Variants in METTL15 observed in about 807,000 individuals in gnomAD.
The protein encoded by METTL15 is methyltransferase 15, mitochondrial 12S rRNA N4-cytidine, also known as 12S rRNA N(4)-cytidine methyltransferase METTL15.
In METTL15, 34 loss-of-function variants were observed where a neutral mutation model predicts 38.3. The observed-to-expected ratio is 0.89, with a 90% confidence interval of 0.68 to 1.18. The LOEUF (loss-of-function observed/expected upper bound fraction) is 1.18, where lower values mean the gene tolerates loss of function less well. METTL15 is among the 50% of genes most tolerant of loss of function. The pLI is 0.00. For missense variants in METTL15, 438 were observed against 498.4 expected, an observed-to-expected ratio of 0.88 and a Z score of 1.15; for synonymous variants, 162 against 170.9, an observed-to-expected ratio of 0.95 and a Z score of 0.41.
intron 3 of METTL15, among the ~76,000 whole-genome samples, chr11:28,140,737 C>G (rs11030223): frequency 6.6e-6 from 1 of 151,990 alleles, no homozygotes; most frequent in African/African-American, 2.4e-5. Context: ...CTGGTTGCCC[C>G]CTTCACAGTT....
At chr11:28,126,359 C>T (rs758375731) in intron 3 of METTL15, among the ~76,000 whole-genome samples, 2 of 152,072 alleles carry the variant, frequency 1.3e-5, no homozygotes, top group Non-Finnish European at 1.5e-5. Context: ...GCCCCTTCCT[C>T]CCCCAACTCC....
chr11:28,167,907 T>C (rs746716273), intron 3 of METTL15, among the ~76,000 whole-genome samples: 11 of 152,132 alleles, frequency 7.2e-5, no homozygotes, highest in African/African-American at 1.4e-4. Flanking sequence ...ATTTAGCCTT[T>C]GAAGTGGTGG....
chr11:28,205,203 G>A lies in METTL15; in HGVS notation c.271-5859G>A, dbSNP rs577363442. On this transcript the variant is annotated intron_variant, in intron 3 of 6. Transcript: ENST00000407364. ...CATGTGCCATGCTGGTGTGCTGCACGCATTAACTCGTCATTTAGTATTAGG... is the reference window on the plus strand; with the variant it reads ...CATGTGCCATGCTGGTGTGCTGCACACATTAACTCGTCATTTAGTATTAGG... 1.6e-4 allele frequency among the ~76,000 whole-genome samples: 24 copies of A among 151,394 alleles called. No individual in the cohort carries two copies. In the South Asian group the frequency reaches 3.6e-3, roughly 23 times the overall value.
intron 6 of METTL15, among the ~76,000 whole-genome samples, chr11:28,489,718 G>C (rs1313696223): frequency 2.6e-5 from 4 of 152,026 alleles, no homozygotes. Context: ...ATGTAACCTT[G>C]AACATGTTAT....
chr11:28,299,248 G>T (rs1293399288), intron 6 of METTL15, among the ~76,000 whole-genome samples: 1 of 151,866 alleles, frequency 6.6e-6, no homozygotes, highest in East Asian at 1.9e-4. Flanking sequence ...TATAGTTTTA[G>T]TAAAATGAAG....
chr11:28,175,527 A>T (rs933264421), intron 3 of METTL15, among the ~76,000 whole-genome samples: 7 of 152,146 alleles, frequency 4.6e-5, no homozygotes, highest in Non-Finnish European at 1.0e-4. Context: ...CGCCACACTG[A>T]CTTCCACAAT....
chr11:28,160,581 T>G (rs1040693653), intron 3 of METTL15, among the ~76,000 whole-genome samples: 5 of 152,134 alleles, frequency 3.3e-5, no homozygotes, highest in Non-Finnish European at 5.9e-5. Context: ...GACCCTGGCT[T>G]CTTAAAGGCA....
chr11:28,200,925 G>C lies in METTL15; in HGVS notation c.271-10137G>C, dbSNP rs1369507529. Among the ~76,000 whole-genome samples, 4 of 152,016 alleles carry C rather than the reference G, an allele frequency of 2.6e-5. No individual in the cohort carries two copies. In the East Asian group the frequency reaches 7.7e-4, roughly 29 times the overall value. On this transcript the variant is annotated intron_variant, in intron 3 of 6. Coordinates refer to ENST00000407364, the MANE Select transcript of METTL15 (RefSeq NM_001113528.2). Reference sequence around the variant, plus strand: ...CTTTCTCTTGCCTGATTGCCCTGCAGAACTTCCAATACTATGTTGAATAGG... The same window carrying C: ...CTTTCTCTTGCCTGATTGCCCTGCACAACTTCCAATACTATGTTGAATAGG...
chr11:28,236,394 C>CCTTGTACCT (rs1323191541), intron 4 of METTL15, among the ~76,000 whole-genome samples: 1 of 152,132 alleles, frequency 6.6e-6, no homozygotes, highest in African/African-American at 2.4e-5. Context: ...ACCAGTTCCT[C>CCTTGTACCT]CTTGTACCTC....
chr11:28,391,858 A>T (rs1850512344), intron 5 of METTL15, among the ~76,000 whole-genome samples: 1 of 152,210 alleles, frequency 6.6e-6, no homozygotes, highest in African/African-American at 2.4e-5. Context: ...AAACCATAAA[A>T]ACCCTAGAAG....
chr11:28,230,270 A>C (rs1282986523), intron 4 of METTL15, among the ~76,000 whole-genome samples: 1 of 151,928 alleles, frequency 6.6e-6, no homozygotes, highest in African/African-American at 2.4e-5. Context: ...ACACCTCTGC[A>C]TCCATTCCTA....
chr11:28,510,989 C>T (rs548119275), intron 6 of METTL15, among the ~76,000 whole-genome samples: 1 of 152,276 alleles, frequency 6.6e-6, no homozygotes, highest in Non-Finnish European at 1.5e-5. Flanking sequence ...TGGAGGGCTT[C>T]TGAAGGGAGG....
intron 3 of METTL15, among the ~76,000 whole-genome samples, chr11:28,197,734 A>C (rs1022749284): frequency 2.0e-5 from 3 of 152,030 alleles, no homozygotes; most frequent in Non-Finnish European, 2.9e-5. Flanking sequence ...ACATGCACAC[A>C]TAGACACTCT....
At chr11:28,459,686 C>A (rs563174090) in intron 6 of METTL15, among the ~76,000 whole-genome samples, 15 of 152,256 alleles carry the variant, frequency 9.9e-5, no homozygotes, top group South Asian at 2.1e-4. Context: ...GCTGAAAAAA[C>A]CAATTTCTAT....
At chr11:28,120,128 A>G (rs562988811) in intron 3 of METTL15, among the ~76,000 whole-genome samples, 1 of 151,516 alleles carries the variant, frequency 6.6e-6, no homozygotes, top group East Asian at 2.0e-4. Flanking sequence ...ATTTTTTTGT[A>G]TTTTTAGTAG....
At chr11:28,506,277 T>C (rs1851626914) in intron 6 of METTL15, among the ~76,000 whole-genome samples, 1 of 152,236 alleles carries the variant, frequency 6.6e-6, no homozygotes, top group East Asian at 1.9e-4. Flanking sequence ...TTAGTCCCTA[T>C]TTTGATATTT....
chr11:28,479,659 T>A (rs2585819), intron 6 of METTL15, among the ~76,000 whole-genome samples: 150,996 of 152,292 alleles, frequency 0.99, 74,872 homozygotes, highest in Middle Eastern at 1. Context: ...ATATGGCCTT[T>A]GAGTATTCTC....
At chr11:28,347,991 G>A (rs1850009992) in intron 3 of METTL15, among the ~76,000 whole-genome samples, 1 of 152,190 alleles carries the variant, frequency 6.6e-6, no homozygotes, top group South Asian at 2.1e-4. Flanking sequence ...CCCAGGTTAT[G>A]AAGTTTTGGT....
chr11:28,373,584 G>T (rs978408453), intron 5 of METTL15, among the ~76,000 whole-genome samples: 8 of 151,740 alleles, frequency 5.3e-5, no homozygotes, highest in Admixed American at 5.3e-4. Flanking sequence ...TCACTCTGAT[G>T]GTAGTTTCTT....
Sources: gnomAD v4.1 joint callset for allele counts (sites outside exome capture counted in the v4.1 genomes callset) on GRCh38, gnomAD v4.1.1 for gene constraint, MANE v1.5 for transcripts, NCBI Gene and HGNC (gene_info 2026-07-23, HGNC 2026-07-21) for gene names.